Variants in SCARA3 observed in about 807,000 individuals in gnomAD.
SCARA3 encodes cellular stress response gene protein.
SCARA3 carries 39 observed loss-of-function variants against 47.0 expected under a neutral mutation model. The ratio of observed to expected loss-of-function variants is 0.83; its 90% CI spans 0.64 to 1.08. The LOEUF is 1.08. Ranked by LOEUF, SCARA3 falls within the 50% of genes least tolerant of loss-of-function variation. The pLI is 0.00. For synonymous variants in SCARA3, 356 were observed against 334.1 expected (o/e 1.07, Z -0.71); for missense variants, 724 against 792.3 (o/e 0.91, Z 1.04).
chr8:27,715,857 GATAGATAC>G, the SCARA3 span, among the ~76,000 whole-genome samples: 8,021 of 107,242 alleles, frequency 0.075, 254 homozygotes, highest in African/African-American at 0.11. This position sits in a 1 kb window ranked among gnomAD's most constrained non-coding sequence, Gnocchi z 4.2. Flanking sequence ...TAGATAGATA[GATAGATAC>G]ATAGATAGAT....
the SCARA3 span, among the ~76,000 whole-genome samples, chr8:27,718,196 T>C: frequency 6.6e-6 from 1 of 152,366 alleles, no homozygotes; most frequent in Admixed American, 6.5e-5. Flanking sequence ...GAAAACTCCC[T>C]GGCCCAGGCC....
chr8:27,716,943 A>G, the SCARA3 span, among the ~76,000 whole-genome samples: 1 of 152,214 alleles, frequency 6.6e-6, no homozygotes, highest in Non-Finnish European at 1.5e-5. Flanking sequence ...TCACCTTTGT[A>G]ATTTCCCTGC....
intron 5 of SCARA3, among the ~76,000 whole-genome samples, chr8:27,663,731 G>T (rs2128922207): frequency 6.6e-6 from 1 of 152,302 alleles, no homozygotes; most frequent in South Asian, 2.1e-4. Flanking sequence ...TTCACCTACA[G>T]GGGCCTGCCA....
At chr8:27,718,447 G>A in the SCARA3 span, among the ~76,000 whole-genome samples, 5 of 152,320 alleles carry the variant, frequency 3.3e-5, no homozygotes, top group South Asian at 1.0e-3. Flanking sequence ...GCAAAGAATG[G>A]GTTTCAAATG....
At chr8:27,651,774 C>A in intron 3 of SCARA3, 147 bp downstream of exon 3, 2 of 1,127,836 alleles carry the variant, frequency 1.8e-6, no homozygotes, top group Non-Finnish European at 2.5e-6. Flanking sequence ...ATCTCTATGC[C>A]TAATGCAAAC....
the SCARA3 span, among the ~76,000 whole-genome samples, chr8:27,682,223 T>A: frequency 3.3e-5 from 5 of 152,018 alleles, no homozygotes; most frequent in Non-Finnish European, 7.4e-5. Flanking sequence ...GATATCCATA[T>A]GGGAAAAAAA....
the SCARA3 span, among the ~76,000 whole-genome samples, chr8:27,700,714 A>G: frequency 2.0e-5 from 3 of 152,232 alleles, no homozygotes; most frequent in Admixed American, 6.5e-5. Flanking sequence ...TTCATTAATC[A>G]TCAGGGAAAT....
At chr8:27,691,110 A>C in the SCARA3 span, among the ~76,000 whole-genome samples, 3 of 152,340 alleles carry the variant, frequency 2.0e-5, no homozygotes, top group South Asian at 6.2e-4. Context: ...TTTTCCCTGT[A>C]TACTCTTCTG....
intron 1 of SCARA3, among the ~76,000 whole-genome samples, chr8:27,638,227 G>T (rs753514219): frequency 6.6e-6 from 1 of 151,914 alleles, no homozygotes; most frequent in Non-Finnish European, 1.5e-5. Context: ...AGCTGTTCTG[G>T]GTGTTAGAAT....
At chr8:27,693,124 CAAA>C in the SCARA3 span, among the ~76,000 whole-genome samples, 12 of 99,056 alleles carry the variant, frequency 1.2e-4, no homozygotes, top group Non-Finnish European at 1.2e-4. Context: ...GACTCTGTCT[CAAA>C]AAAAAAAAAA....
Position 27,672,093 on chromosome 8 carries a change from A to G in SCARA3, c.*742A>G. 2.0e-6 allele frequency: 2 copies of G among 985,432 alleles called. No homozygotes were observed. The highest frequency in any genetic ancestry group is 2.4e-6 in the Non-Finnish European group (2 of 829,950). 61.0% of individuals were successfully genotyped at this position (985,432 alleles called of 1,614,324 possible). On this transcript the variant is annotated 3_prime_UTR_variant, in exon 6 of 6. Coordinates refer to ENST00000301904, the MANE Select transcript of SCARA3 (RefSeq NM_016240.3). ...AGGCAAAGTGGACCTGGCAACCACA[A>G]GACCCTCCCCATAAGCAGGGGACCA...
chr8:27,683,105 G>C, the SCARA3 span, among the ~76,000 whole-genome samples: 6 of 152,080 alleles, frequency 3.9e-5, no homozygotes, highest in Non-Finnish European at 8.8e-5. Flanking sequence ...CAGTCAAAAG[G>C]AATAAGTAAC....
chr8:27,655,522 A>C (rs1052503513), intron 3 of SCARA3, among the ~76,000 whole-genome samples: 2 of 152,146 alleles, frequency 1.3e-5, no homozygotes, highest in African/African-American at 4.8e-5. Flanking sequence ...GTGGGGTATA[A>C]AGTGGTGTAA....
At chr8:27,689,983 G>A in the SCARA3 span, among the ~76,000 whole-genome samples, 1 of 152,122 alleles carries the variant, frequency 6.6e-6, no homozygotes, top group Non-Finnish European at 1.5e-5. Context: ...ATACAATAAA[G>A]ATTTTTTTAA....
downstream of SCARA3, among the ~76,000 whole-genome samples, chr8:27,675,647 G>A (rs1802263982): frequency 6.6e-6 from 1 of 152,138 alleles, no homozygotes; most frequent in Non-Finnish European, 1.5e-5. Context: ...AAAATTAACT[G>A]GGCAGGGTGG....
chr8:27,635,686 C>T lies in SCARA3; in HGVS notation c.7+1479C>T, dbSNP rs35433287. ...GCCCAGGTTGGTCTATAACTCCTGG[C>T]CTCAAACGATCCTCCCACCTCAGCC... On this transcript the variant is annotated intron_variant, in intron 1 of 5. Transcript: ENST00000301904. 2.6e-3 allele frequency among the ~76,000 whole-genome samples: 398 copies of T among 151,652 alleles called. 1 individual carries two copies. The highest frequency in any genetic ancestry group is 9.0e-3 in the African/African-American group (374 of 41,354).
chr8:27,718,642 A>G, the SCARA3 span, among the ~76,000 whole-genome samples: 1 of 152,262 alleles, frequency 6.6e-6, no homozygotes, highest in Non-Finnish European at 1.5e-5. Context: ...TAATTCATTC[A>G]GGCCACAAAA....
chr8:27,706,159 G>A, the SCARA3 span, among the ~76,000 whole-genome samples: 1 of 152,064 alleles, frequency 6.6e-6, no homozygotes, highest in Non-Finnish European at 1.5e-5. Context: ...GTTTGTTTTT[G>A]TTTTTGTTTT....
At chr8:27,657,751 A>G (rs1337753579) in intron 4 of SCARA3, among the ~76,000 whole-genome samples, 1 of 151,812 alleles carries the variant, frequency 6.6e-6, no homozygotes, top group African/African-American at 2.4e-5. Context: ...TGTGTTAGCC[A>G]GGATGGTCTC....
Sources: gnomAD v4.1 joint callset for allele counts (sites outside exome capture counted in the v4.1 genomes callset) on GRCh38, gnomAD v4.1.1 for gene constraint, Gnocchi (gnomAD v3.1) non-coding constraint, MANE v1.5 for transcripts, NCBI Gene and HGNC (gene_info 2026-07-23, HGNC 2026-07-21) for gene names.